Variants in PDE4D observed in about 807,000 individuals in gnomAD.
PDE4D encodes the protein 3',5'-cyclic-AMP phosphodiesterase 4D.
A neutral mutation model predicts 87.4 loss-of-function variants in PDE4D; 24 were observed. That is an observed-to-expected ratio of 0.27 (90% confidence interval 0.20 to 0.39). The LOEUF (loss-of-function observed/expected upper bound fraction) is 0.39. Among genes scored for constraint, PDE4D ranks in the 10% least tolerant of loss-of-function variants. The pLI is 1.00. For missense variants in PDE4D, 714 were observed against 1,041.0 expected (o/e 0.69, Z 4.32); for synonymous variants, 384 against 383.2 (o/e 1.00, Z -0.02).
chr5:59,849,204 G>C (rs1246421363), intron 1 of PDE4D, among the ~76,000 whole-genome samples: 1 of 151,840 alleles, frequency 6.6e-6, no homozygotes, highest in Non-Finnish European at 1.5e-5. Context: ...GGTTTAAATA[G>C]TCATCTGGAA....
intron 2 of PDE4D, among the ~76,000 whole-genome samples, chr5:60,059,038 A>ATGTGTGTG (rs1413944284): frequency 1.2e-4 from 6 of 49,346 alleles, no homozygotes; most frequent in African/African-American, 4.0e-4. Context: ...TGGCATTGTC[A>ATGTGTGTG]TATGTGTGTG....
chr5:59,900,490 T>C (rs74319603), intron 3 of PDE4D, among the ~76,000 whole-genome samples: 1 of 152,084 alleles, frequency 6.6e-6, no homozygotes, highest in Non-Finnish European at 1.5e-5. Flanking sequence ...CAACAAGATA[T>C]TCATAAGAAT....
intron 2 of PDE4D, among the ~76,000 whole-genome samples, chr5:60,136,309 G>A (rs1780038574): frequency 1.5e-5 from 2 of 134,932 alleles, no homozygotes; most frequent in Admixed American, 8.1e-5. Flanking sequence ...GTTATTTCTG[G>A]ACTATCTTTT....
At chr5:59,112,249 G>T (rs551627113) in intron 5 of PDE4D, among the ~76,000 whole-genome samples, 6 of 152,304 alleles carry the variant, frequency 3.9e-5, no homozygotes, top group African/African-American at 1.2e-4. Context: ...AGGCTAATGG[G>T]CTGGAGCTGA....
At chr5:59,717,282 G>A (rs1755172275) in intron 1 of PDE4D, among the ~76,000 whole-genome samples, 1 of 152,144 alleles carries the variant, frequency 6.6e-6, no homozygotes, top group Admixed American at 6.5e-5. Context: ...TCCTAGTAGA[G>A]GATGAACATA....
At chr5:59,314,160 T>C (rs1407646193) in intron 1 of PDE4D, 1 of 152,144 alleles carries the variant, frequency 6.6e-6, no homozygotes, top group Non-Finnish European at 1.5e-5. Flanking sequence ...CTCCAGGCTA[T>C]GTATTTTTAT....
intron 1 of PDE4D, among the ~76,000 whole-genome samples, chr5:59,722,599 T>C (rs1271062090): frequency 6.6e-6 from 1 of 152,150 alleles, no homozygotes; most frequent in Middle Eastern, 3.2e-3. Context: ...GTGCTGGTTA[T>C]TATCTATAAG....
At chr5:59,772,866 T>C (rs1189253183) in intron 1 of PDE4D, among the ~76,000 whole-genome samples, 1 of 152,216 alleles carries the variant, frequency 6.6e-6, no homozygotes, top group Non-Finnish European at 1.5e-5. Context: ...ATTTTAGAAA[T>C]GAAAAGTTTA....
At chr5:59,192,197 A>G (rs1047318308) in intron 3 of PDE4D, among the ~76,000 whole-genome samples, 17 of 152,344 alleles carry the variant, frequency 1.1e-4, no homozygotes, top group African/African-American at 3.8e-4. Context: ...ACATAATCCT[A>G]CTATCTAAAC....
intron 3 of PDE4D, among the ~76,000 whole-genome samples, chr5:59,972,948 G>C (rs948639479): frequency 6.6e-6 from 1 of 152,020 alleles, no homozygotes; most frequent in Non-Finnish European, 1.5e-5. Flanking sequence ...GGTTCTGCTG[G>C]TGATCTTTTT....
intron 1 of PDE4D, among the ~76,000 whole-genome samples, chr5:59,818,183 GA>G (rs1769217574): frequency 6.6e-6 from 1 of 152,148 alleles, no homozygotes; most frequent in Non-Finnish European, 1.5e-5. Context: ...GCATGTTTTT[GA>G]AAAATAGACT....
At chr5:59,286,555 T>G (rs1182424499) in intron 1 of PDE4D, among the ~76,000 whole-genome samples, 3 of 152,206 alleles carry the variant, frequency 2.0e-5, no homozygotes, top group South Asian at 4.1e-4. Context: ...TGGACATGGT[T>G]TTTTTGTGCA....
intron 1 of PDE4D, among the ~76,000 whole-genome samples, chr5:59,689,454 A>T (rs1750514775): frequency 6.6e-6 from 1 of 152,196 alleles, no homozygotes; most frequent in East Asian, 1.9e-4. Flanking sequence ...ATATAAACAG[A>T]ACCAAAGACA....
At chr5:60,420,141 A>G (rs1238382935) in intron 1 of PDE4D, among the ~76,000 whole-genome samples, 1 of 152,222 alleles carries the variant, frequency 6.6e-6, no homozygotes, top group African/African-American at 2.4e-5. Flanking sequence ...GAAGAATAGT[A>G]CTAGACATCA....
intron 2 of PDE4D, among the ~76,000 whole-genome samples, chr5:60,074,153 T>A (rs1448740345): frequency 6.6e-6 from 1 of 152,182 alleles, no homozygotes; most frequent in Non-Finnish European, 1.5e-5. Flanking sequence ...CTTTTTGATG[T>A]GAGCATTTAG....
At chr5:59,374,498 C>T (rs956701692) in intron 1 of PDE4D, among the ~76,000 whole-genome samples, 2 of 152,056 alleles carry the variant, frequency 1.3e-5, no homozygotes, top group Non-Finnish European at 2.9e-5. Context: ...ATATACACAC[C>T]CAACAGAGAG....
intron 1 of PDE4D, among the ~76,000 whole-genome samples, chr5:59,669,788 T>C (rs906554779): frequency 6.6e-6 from 1 of 152,146 alleles, no homozygotes; most frequent in Admixed American, 6.5e-5. Context: ...CCCCCCCCAA[T>C]AGTCCAGAAT....
intron 11 of PDE4D, among the ~76,000 whole-genome samples, chr5:58,985,599 T>C (rs952373071): frequency 3.3e-5 from 5 of 152,044 alleles, no homozygotes; most frequent in African/African-American, 1.2e-4. Flanking sequence ...CAACTATGGG[T>C]TTATAAATTT....
chr5:59,215,641 G>T, intron 2 of PDE4D, 136 bp downstream of exon 2: 1 of 694,158 alleles, frequency 1.4e-6, no homozygotes, highest in Non-Finnish European at 2.4e-6. Flanking sequence ...TTTCTAGCTT[G>T]TATAATTTTA....
Sources: allele counts gnomAD v4.1 joint callset (sites outside exome capture counted in the v4.1 genomes callset), GRCh38; gene constraint gnomAD v4.1.1; transcripts MANE v1.5; gene names NCBI Gene and HGNC (gene_info 2026-07-23, HGNC 2026-07-21).